RANBP2: variants seen among roughly 807,000 people sequenced by gnomAD.
RANBP2 encodes the protein RAN binding protein 2.
Under a neutral mutation model 303.6 loss-of-function variants are expected in RANBP2, and 57 were observed. That is an observed-to-expected ratio of 0.19 (90% CI 0.15 to 0.23). The LOEUF is 0.23. RANBP2 is among the 10% of genes least tolerant of loss of function. The probability of loss-of-function intolerance (pLI) is 1.00; values close to 1 mark genes in which losing one functional copy is unlikely to be tolerated. For missense variants in RANBP2, 3,138 were observed against 3,780.8 expected (o/e 0.83, Z 4.46); for synonymous variants, 1,167 against 1,301.5 (o/e 0.90, Z 2.23).
At chr2:109,392,035 C>G in the RANBP2 span, among the ~76,000 whole-genome samples, 1 of 151,990 alleles carries the variant, frequency 6.6e-6, no homozygotes, top group Admixed American at 6.5e-5. Flanking sequence ...AGGCTGATCT[C>G]GAACTCCTGG....
the RANBP2 span, among the ~76,000 whole-genome samples, chr2:109,050,763 GTTA>G: frequency 6.6e-6 from 1 of 151,744 alleles, no homozygotes; most frequent in Non-Finnish European, 1.5e-5. Context: ...ACTAGAAAAT[GTTA>G]TTTAGATGTT....
chr2:108,808,752 C>G, the RANBP2 span, among the ~76,000 whole-genome samples: 1 of 151,832 alleles, frequency 6.6e-6, no homozygotes, highest in African/African-American at 2.4e-5. Context: ...GGATTTTCAC[C>G]CTAGTTGGAT....
At chr2:109,111,611 G>GT in the RANBP2 span, among the ~76,000 whole-genome samples, 4 of 147,506 alleles carry the variant, frequency 2.7e-5, no homozygotes, top group South Asian at 2.1e-4. Flanking sequence ...TTTTTTTTAG[G>GT]TTTTTTTTAA....
At chr2:109,599,301 T>C in the RANBP2 span, among the ~76,000 whole-genome samples, 1 of 151,776 alleles carries the variant, frequency 6.6e-6, no homozygotes, top group Non-Finnish European at 1.5e-5. Context: ...CTACTAAAAA[T>C]ACAAAAATTA....
the RANBP2 span, among the ~76,000 whole-genome samples, chr2:109,765,676 T>G: frequency 2.0e-5 from 3 of 150,172 alleles, no homozygotes; most frequent in Admixed American, 1.3e-4. Flanking sequence ...AATAGAAACA[T>G]GGAGGGAATA....
chr2:109,475,041 G>A, the RANBP2 span, among the ~76,000 whole-genome samples: 1,981 of 152,138 alleles, frequency 0.013, 49 homozygotes, highest in African/African-American at 0.046. Context: ...GCAGTGGTGC[G>A]ATCTCTGCTC....
At chr2:109,216,065 A>G in the RANBP2 span, among the ~76,000 whole-genome samples, 187 of 152,294 alleles carry the variant, frequency 1.2e-3, no homozygotes, top group African/African-American at 3.1e-3. Flanking sequence ...ACAGCCAAGC[A>G]GTCAGTCTGA....
the RANBP2 span, among the ~76,000 whole-genome samples, chr2:108,845,604 C>G: frequency 1.4e-5 from 2 of 141,462 alleles, no homozygotes; most frequent in African/African-American, 5.3e-5. Flanking sequence ...TGGAGTCTCG[C>G]TCTGTCACCC....
At chr2:109,222,245 T>TA in the RANBP2 span, among the ~76,000 whole-genome samples, 2 of 152,252 alleles carry the variant, frequency 1.3e-5, no homozygotes, top group South Asian at 4.1e-4. Context: ...GGTATAAACA[T>TA]ACAGTCAGAA....
At chr2:109,534,893 G>A in the RANBP2 span, among the ~76,000 whole-genome samples, 1 of 152,150 alleles carries the variant, frequency 6.6e-6, no homozygotes, top group Non-Finnish European at 1.5e-5. Flanking sequence ...ATTTGGGAGA[G>A]TGGTGGTGGA....
At chr2:109,180,422 G>C in the RANBP2 span, among the ~76,000 whole-genome samples, 1 of 152,212 alleles carries the variant, frequency 6.6e-6, no homozygotes, top group African/African-American at 2.4e-5. Context: ...GCTAGCCAAT[G>C]AACTGGCTCC....
the RANBP2 span, among the ~76,000 whole-genome samples, chr2:109,472,095 A>T: frequency 6.6e-6 from 1 of 152,144 alleles, no homozygotes; most frequent in African/African-American, 2.4e-5. Flanking sequence ...TCTAATTATT[A>T]ATTAGATTGT....
chr2:109,104,038 C>T, the RANBP2 span, among the ~76,000 whole-genome samples: 1 of 152,172 alleles, frequency 6.6e-6, no homozygotes, highest in East Asian at 1.9e-4. Context: ...TCATGATCCG[C>T]CCGCCTCGGC....
the RANBP2 span, among the ~76,000 whole-genome samples, chr2:109,644,061 C>A: frequency 1.6e-3 from 241 of 151,670 alleles, 1 homozygote; most frequent in Middle Eastern, 3.4e-3. Flanking sequence ...GCGGAGGTTT[C>A]AGTGAGCTGA....
At chr2:109,706,927 C>T in the RANBP2 span, among the ~76,000 whole-genome samples, 4 of 152,182 alleles carry the variant, frequency 2.6e-5, no homozygotes, top group East Asian at 1.9e-4. Flanking sequence ...TCAGTTCCAC[C>T]GAGGGAGGTG....
the RANBP2 span, among the ~76,000 whole-genome samples, chr2:109,072,036 T>C: frequency 3.3e-5 from 5 of 152,342 alleles, no homozygotes; most frequent in Non-Finnish European, 5.9e-5. Flanking sequence ...CAAAGTCTTA[T>C]GGGAATACTG....
the RANBP2 span, among the ~76,000 whole-genome samples, chr2:108,862,813 T>C: frequency 6.6e-6 from 1 of 152,172 alleles, no homozygotes; most frequent in African/African-American, 2.4e-5. Context: ...TTTTACGTGG[T>C]TAGATACTAG....
chr2:108,818,292 G>T, the RANBP2 span, among the ~76,000 whole-genome samples: 1 of 152,138 alleles, frequency 6.6e-6, no homozygotes, highest in East Asian at 1.9e-4. Flanking sequence ...GGGCAACAGA[G>T]TGAGACCCTG....
chr2:109,272,818 G>A, the RANBP2 span, among the ~76,000 whole-genome samples: 6 of 152,176 alleles, frequency 3.9e-5, no homozygotes, highest in South Asian at 2.1e-4. Flanking sequence ...CACGCAGGAC[G>A]TCAGGCTTGG....
Sources: gnomAD v4.1 joint callset for allele counts (sites outside exome capture counted in the v4.1 genomes callset) on GRCh38, gnomAD v4.1.1 for gene constraint, MANE v1.5 for transcripts, NCBI Gene and HGNC (gene_info 2026-07-23, HGNC 2026-07-21) for gene names.